Variants in TAF3 observed in about 807,000 individuals in gnomAD.
The protein encoded by TAF3 is TATA-box binding protein associated factor 3.
TAF3 carries 7 observed loss-of-function variants against 80.6 expected under a neutral mutation model. The observed-to-expected ratio is 0.09, with a 90% confidence interval of 0.05 to 0.16. The LOEUF is 0.16. TAF3 is among the 10% of genes least tolerant of loss of function. TAF3 has a pLI of 1.00. For missense variants in TAF3, 921 were observed against 1,140.2 expected (o/e 0.81, Z 2.77); for synonymous variants, 444 against 446.1 (o/e 1.00, Z 0.06).
chr10:7,970,258 A>C (rs1488286804), intron 3 of TAF3, among the ~76,000 whole-genome samples: 1 of 152,258 alleles, frequency 6.6e-6, no homozygotes, highest in African/African-American at 2.4e-5. Context: ...AACTTTGGCT[A>C]CTGAATAAAC....
At chr10:7,889,216 T>C (rs2131161672) in intron 2 of TAF3, among the ~76,000 whole-genome samples, 1 of 152,350 alleles carries the variant, frequency 6.6e-6, no homozygotes, top group South Asian at 2.1e-4. Flanking sequence ...TTCCTCCTCT[T>C]AAATCTTAGT....
chr10:7,916,922 A>G (rs145315535), intron 2 of TAF3, among the ~76,000 whole-genome samples: 9 of 152,340 alleles, frequency 5.9e-5, no homozygotes, highest in African/African-American at 2.2e-4. Flanking sequence ...GTTCGTACTC[A>G]ATTATTTTCT....
chr10:7,924,904 G>A (rs1026261185), intron 2 of TAF3, among the ~76,000 whole-genome samples: 1 of 152,088 alleles, frequency 6.6e-6, no homozygotes, highest in Admixed American at 6.5e-5. Flanking sequence ...AAGTATAGAT[G>A]GCTAAGGGTT....
intron 2 of TAF3, among the ~76,000 whole-genome samples, chr10:7,936,268 T>C (rs1226345871): frequency 1.3e-5 from 2 of 152,220 alleles, no homozygotes; most frequent in African/African-American, 2.4e-5. Flanking sequence ...TTGAAATTTT[T>C]CATTTCTCTT....
intron 2 of TAF3, among the ~76,000 whole-genome samples, chr10:7,843,809 T>C (rs1182039512): frequency 6.6e-6 from 1 of 152,092 alleles, no homozygotes; most frequent in Non-Finnish European, 1.5e-5. Flanking sequence ...CACTACATAT[T>C]ATGTAGTGAA....
intron 2 of TAF3, among the ~76,000 whole-genome samples, chr10:7,828,443 C>A (rs568922203): frequency 2.0e-5 from 3 of 152,106 alleles, no homozygotes; most frequent in African/African-American, 7.2e-5. Context: ...AGAAGTGAGA[C>A]CTCTTTGAAA....
Position 7,824,323 on chromosome 10 carries a change from C to G in TAF3, c.172C>G (p.Arg58Gly). The change falls in exon 2 of 7, where the codon CGA becomes GGA. Residue 58 changes from arginine (R) to glycine (G), a missense_variant. This residue lies in a region of TAF3 where 106 missense variants were observed against 191.8 expected (regional missense o/e 0.55). Coordinates refer to ENST00000344293, the MANE Select transcript of TAF3 (RefSeq NM_031923.4). ...GCHRYSELYGRTDPILDDVGE... is the reference protein window; with the variant it reads ...GCHRYSELYGGTDPILDDVGE... Reference sequence around the variant, plus strand: ...TGCTTTTCACTTTGTTTCAGATGGCCGAACAGACCCAATTTTGGATGATGT... The same window carrying G: ...TGCTTTTCACTTTGTTTCAGATGGCGGAACAGACCCAATTTTGGATGATGT... 6.2e-7 allele frequency: 1 copy of G among 1,612,330 alleles called. No homozygotes were observed. The highest frequency in any genetic ancestry group is 8.5e-7 in the Non-Finnish European group (1 of 1,178,726).
At chr10:7,975,070 CAAAAAAAAAAA>C (rs35755700) in intron 3 of TAF3, 5 of 175,908 alleles carry the variant, frequency 2.8e-5, no homozygotes, top group African/African-American at 4.2e-5. Context: ...GACTCTGTCT[CAAAAAAAAAAA>C]AAAAAAAAAA....
At chr10:7,970,424 G>T (rs969869274) in intron 3 of TAF3, among the ~76,000 whole-genome samples, 1 of 152,194 alleles carries the variant, frequency 6.6e-6, no homozygotes, top group African/African-American at 2.4e-5. Context: ...CAGAAAGGTC[G>T]AGTACCTTGC....
At chr10:8,013,887 C>T (rs377686447) in intron 6 of TAF3, 50 bp downstream of exon 6, 174 of 1,490,380 alleles carry the variant, frequency 1.2e-4, no homozygotes, top group Middle Eastern at 3.5e-4. Context: ...CAGCATCAGC[C>T]GCTCCTGAGA....
At chr10:7,950,838 G>A (rs1838075049) in intron 2 of TAF3, among the ~76,000 whole-genome samples, 1 of 152,166 alleles carries the variant, frequency 6.6e-6, no homozygotes, top group African/African-American at 2.4e-5. Context: ...CTGTGCTTTT[G>A]TTGGTGATTT....
At chr10:7,989,298 AAG>A (rs1831810612) in intron 4 of TAF3, among the ~76,000 whole-genome samples, 1 of 152,176 alleles carries the variant, frequency 6.6e-6, no homozygotes, top group Admixed American at 6.5e-5. Context: ...AGAAAGAAGG[AAG>A]AGAGAGAGGG....
chr10:7,818,961 G>T lies in TAF3; in HGVS notation c.166+86G>T, dbSNP rs1836660480. 2.4e-6 allele frequency: 3 copies of T among 1,272,000 alleles called. No individual in the cohort carries two copies. In the South Asian group the frequency reaches 6.1e-5, roughly 26 times the overall value. The allele number at this position is 1,272,000 out of a possible 1,614,324, so 78.8% of individuals were successfully genotyped here. A position where few individuals can be genotyped will look rare whatever the true frequency, so the allele number is the denominator to read the frequency against. ...CTCCCTGTCCCTCCGCGTCCCCGGG[G>T]TGTGCATCCCGCACCCCGCCTCGAG... On this transcript the variant is annotated intron_variant, in intron 1 of 6. Coordinates refer to ENST00000344293, the MANE Select transcript of TAF3 (RefSeq NM_031923.4).
chr10:7,890,851 G>C (rs531389775), intron 2 of TAF3, among the ~76,000 whole-genome samples: 18 of 152,256 alleles, frequency 1.2e-4, no homozygotes, highest in African/African-American at 4.3e-4. Context: ...TTCGATTTAG[G>C]TTTCCTTAGA....
At chr10:7,998,349 A>G (rs995959152) in intron 4 of TAF3, among the ~76,000 whole-genome samples, 3 of 150,434 alleles carry the variant, frequency 2.0e-5, no homozygotes, top group Admixed American at 6.6e-5. Context: ...TTATCTTATT[A>G]TTACAAAGTT....
chr10:7,878,690 AATGTATGTATGT>A (rs58593612), intron 2 of TAF3, among the ~76,000 whole-genome samples: 6,426 of 146,968 alleles, frequency 0.044, 169 homozygotes, highest in Non-Finnish European at 0.061. Context: ...TAATTCAACC[AATGTATGTATGT>A]ATGTATGTAT....
At chr10:7,828,213 C>T (rs1836763275) in intron 2 of TAF3, among the ~76,000 whole-genome samples, 1 of 152,136 alleles carries the variant, frequency 6.6e-6, no homozygotes, top group African/African-American at 2.4e-5. Context: ...CACTGCACTT[C>T]AGCCTGGGCA....
chr10:7,881,484 CACACAA>C (rs1398015297), intron 2 of TAF3, among the ~76,000 whole-genome samples: 2 of 132,240 alleles, frequency 1.5e-5, no homozygotes, highest in East Asian at 2.2e-4. Flanking sequence ...CACACACATA[CACACAA>C]ACACACACAC....
intron 2 of TAF3, among the ~76,000 whole-genome samples, chr10:7,880,209 G>T (rs184451609): frequency 5.9e-5 from 9 of 152,256 alleles, no homozygotes; most frequent in African/African-American, 2.2e-4. Context: ...CTGCTCTCCA[G>T]CCTGGGTGAC....
Sources: gnomAD v4.1 joint callset for allele counts (sites outside exome capture counted in the v4.1 genomes callset) on GRCh38, gnomAD v4.1.1 for gene constraint, gnomAD v4.1.1 regional missense constraint, MANE v1.5 for transcripts, NCBI Gene and HGNC (gene_info 2026-07-23, HGNC 2026-07-21) for gene names.